The following YIPF2 variants were observed in gnomAD, a reference collection of about 807,000 sequenced individuals.
YIPF2 encodes the protein Yip1 domain family member 2, also known as protein YIPF2.
Under a neutral mutation model 38.8 loss-of-function variants are expected in YIPF2, and 30 were observed. The observed-to-expected ratio is 0.77, with a 90% CI of 0.58 to 1.05. The LOEUF (loss-of-function observed/expected upper bound fraction) is 1.05. Among genes scored for constraint, YIPF2 ranks in the 50% least tolerant of loss-of-function variants. YIPF2 has a pLI of 0.00. For missense variants in YIPF2, 401 were observed against 409.7 expected (o/e 0.98, Z 0.18); for synonymous variants, 194 against 183.8 (o/e 1.06, Z -0.45).
In YIPF2 at chr19:10,923,007, G is replaced by T. The variant is rs182980730; in HGVS notation, c.*187C>A. 6.6e-4 allele frequency: 198 copies of T among 299,738 alleles called. 1 individual carries two copies. The East Asian group carries it at 0.013, about 19-fold the overall frequency. 18.6% of individuals were successfully genotyped at this position (299,738 alleles called of 1,614,324 possible). A position where few individuals can be genotyped will look rare whatever the true frequency, so the allele number is the denominator to read the frequency against. On this transcript the variant is annotated 3_prime_UTR_variant, in exon 10 of 10. Transcript: ENST00000586748. ...AAAGCTCCCTGCTCGGCTGCCCCTC[G>T]CCCGCCTTTATATAAATTCTCTGAA...
chr19:10,923,506 T>C lies in YIPF2; in HGVS notation c.823A>G (p.Met275Val). 2 of 1,612,798 alleles carry C rather than the reference T, an allele frequency of 1.2e-6. No individual in the cohort carries two copies. The highest frequency in any genetic ancestry group is 1.7e-6 in the Non-Finnish European group (2 of 1,179,656). Residue 275 changes from methionine (M) to valine (V), a missense_variant, in exon 8 of 10, where the codon ATG becomes GTG. Met to Val is a conservative substitution (Grantham distance 21). Coordinates refer to ENST00000586748, the MANE Select transcript of YIPF2 (RefSeq NM_001321439.2). Reference sequence around the variant, plus strand: ...CCCCAGACCCGTACCTTACAGCCCATGGCCAGGAGGGCGTGGAGCAGCACG... The same window carrying C: ...CCCCAGACCCGTACCTTACAGCCCACGGCCAGGAGGGCGTGGAGCAGCACG... ...VVVLLHALLAMGCKLYFFQSL... is the reference protein window; with the variant it reads ...VVVLLHALLAVGCKLYFFQSL...
Position 10,923,320 on chromosome 19 carries a change from T to A in YIPF2, c.922A>T (p.Thr308Ser). The change falls in exon 9 of 10, where the codon ACC (threonine) becomes TCC (serine). Residue 308 changes from threonine to serine, a missense_variant. Thr to Ser is a moderately conservative substitution (Grantham distance 58, BLOSUM62 1). Coordinates refer to ENST00000586748, the MANE Select transcript of YIPF2 (RefSeq NM_001321439.2). The stretch of plus-strand genomic sequence containing the variant: ...GAGGGGGCCAGGGACTGCGGCAAGG[T>A]AGGGGACAGCGCGATGTTTGAGGGC... ...SLPSNIALSP[T>S]LPQSLAPS is the part of the protein sequence containing the mutation. 1 of 1,612,320 alleles carries A rather than the reference T, an allele frequency of 6.2e-7. No individual in the cohort carries two copies. Among genetic ancestry groups the A allele is most frequent in the South Asian group, 1.1e-5 (1 of 91,030 alleles).
intron 4 of YIPF2, among the ~76,000 whole-genome samples, chr19:10,927,081 CA>C (rs1452890780): frequency 6.6e-6 from 1 of 152,142 alleles, no homozygotes; most frequent in Non-Finnish European, 1.5e-5. Context: ...CATGTTTGGC[CA>C]GGCTGGTCTC....
chr19:10,925,690 C>T lies in YIPF2; in HGVS notation c.363G>A (p.Leu121=), dbSNP rs146628344. The change falls in exon 5 of 10, where the codon CTG becomes CTA. Residue 121 remains leucine, a synonymous_variant. Coordinates refer to ENST00000586748, the MANE Select transcript of YIPF2 (RefSeq NM_001321439.2). ...CAAATGCACAACCTCACTCACCATA[C>T]AGATCCGGCCGATTCCGCAGATGGT... ...VRHHLRNRPD[L]YGPFWICATL... 3.2e-5 allele frequency: 52 copies of T among 1,614,042 alleles called. No homozygotes were observed. In the African/African-American group the frequency reaches 4.5e-4, roughly 14 times the overall value.
At chr19:10,925,535 C>G (rs2083409595) in intron 5 of YIPF2, 151 bp downstream of exon 5, 1 of 929,310 alleles carries the variant, frequency 1.1e-6, no homozygotes. Context: ...CCGCCACCCT[C>G]TGCAGTCCTT....
At chr19:10,928,194 G>T (rs546014104) in intron 2 of YIPF2, among the ~76,000 whole-genome samples, 186 bp downstream of exon 2, 2 of 151,686 alleles carry the variant, frequency 1.3e-5, no homozygotes, top group South Asian at 4.2e-4. Flanking sequence ...GTCTGGGGAC[G>T]AGAGGCTCGG....
chr19:10,928,624 C>A lies in YIPF2; in HGVS notation c.-144G>T. On this transcript the variant is annotated 5_prime_UTR_variant, in exon 1 of 10. Transcript: ENST00000586748. Reference sequence around the variant, plus strand: ...GCCGGCGTGGCTGGGGCTCTCTGCGCCTGCGCGTCTCGCCTACCCGTCAGA... The same window carrying A: ...GCCGGCGTGGCTGGGGCTCTCTGCGACTGCGCGTCTCGCCTACCCGTCAGA... 1.2e-6 allele frequency: 1 copy of A among 851,042 alleles called. No individual in the cohort carries two copies. The highest frequency in any genetic ancestry group is 1.7e-6 in the Non-Finnish European group (1 of 593,132). The allele number at this position is 851,042 out of a possible 1,614,324, so 52.7% of individuals were successfully genotyped here.
intron 2 of YIPF2, 98 bp downstream of exon 2, chr19:10,928,282 G>A: frequency 1.4e-5 from 18 of 1,305,066 alleles, no homozygotes; most frequent in Non-Finnish European, 1.7e-5. Context: ...GTTCACAGCC[G>A]CCTAGGCTTC....
At position 10,923,494 on chromosome 19, in the gene YIPF2, C is replaced by G; in HGVS notation, c.834+1G>C. ...CACCTGTGGCCACCCCAGACCCGTA[C>G]CTTACAGCCCATGGCCAGGAGGGCG... On this transcript the variant is annotated splice_donor_variant, in intron 8 of 9. Coordinates refer to ENST00000586748, the MANE Select transcript of YIPF2 (RefSeq NM_001321439.2). LOFTEE classifies it high-confidence loss of function. 1 of 1,612,968 alleles carries G rather than the reference C, an allele frequency of 6.2e-7. No homozygotes were observed. Among genetic ancestry groups the G allele is most frequent in the East Asian group, 2.2e-5 (1 of 44,874 alleles).
rs151256467 is a variant in YIPF2, at chr19:10,923,333, G to T, written c.909C>A (p.Ile303=). 1.2e-6 allele frequency: 2 copies of T among 1,613,164 alleles called. No homozygotes were observed. Among genetic ancestry groups the T allele is most frequent in the Non-Finnish European group, 1.7e-6 (2 of 1,179,576 alleles). ...PPQITSLPSN[I]ALSPTLPQSL... is the part of the protein sequence containing the mutation. ...ACTGCGGCAAGGTAGGGGACAGCGC[G>T]ATGTTTGAGGGCAGAGATGTGATTT... The change falls in exon 9 of 10, where the codon ATC becomes ATA. Residue 303 remains isoleucine (I), a synonymous_variant. Coordinates refer to ENST00000586748, the MANE Select transcript of YIPF2 (RefSeq NM_001321439.2).
chr19:10,924,344 C>T, intron 5 of YIPF2, 152 bp from the exon 6 acceptor site: 1 of 663,722 alleles, frequency 1.5e-6, no homozygotes, highest in Admixed American at 2.8e-5. Flanking sequence ...TGGCTGAGCC[C>T]AGTGCTGGCT....
intron 4 of YIPF2, among the ~76,000 whole-genome samples, chr19:10,926,522 G>C (rs564477534): frequency 6.6e-6 from 1 of 151,488 alleles, no homozygotes; most frequent in Non-Finnish European, 1.5e-5. Flanking sequence ...CACCGCACCC[G>C]GCCTCAGCAC....
chr19:10,927,161 C>T (rs979731497), intron 4 of YIPF2, among the ~76,000 whole-genome samples: 4 of 152,152 alleles, frequency 2.6e-5, no homozygotes, highest in African/African-American at 7.2e-5. Flanking sequence ...GCATGAGCCA[C>T]CCCGCACCCG....
At position 10,927,799 on chromosome 19, in the gene YIPF2, C is replaced by T. The variant is rs751777054; in HGVS notation, c.192G>A (p.Ala64=). 2 of 1,606,910 alleles carry T rather than the reference C, an allele frequency of 1.2e-6. No individual in the cohort carries two copies. The highest frequency in any genetic ancestry group is 1.3e-5 in the African/African-American group (1 of 74,964). ...AAGGAGGCAGGACACAGGGACTCAC[C>T]GCGGCCTTGTCACTCTCCTCCTCCA... ...DEVEEESDKA[A]LLQEQQQQQQ... Residue 64 remains alanine, a splice_region_variant and synonymous_variant, in exon 3 of 10, where the codon GCG becomes GCA. Coordinates refer to ENST00000586748, the MANE Select transcript of YIPF2 (RefSeq NM_001321439.2).
chr19:10,924,569 T>C (rs1159925769), intron 5 of YIPF2, among the ~76,000 whole-genome samples: 1 of 152,100 alleles, frequency 6.6e-6, no homozygotes, highest in Non-Finnish European at 1.5e-5. Flanking sequence ...ATGCCTCCTC[T>C]AGAGCCCAGG....
At position 10,925,537 on chromosome 19, in the gene YIPF2, G is replaced by A; in HGVS notation, c.367+149C>T. On this transcript the variant is annotated intron_variant, in intron 5 of 9. Transcript: ENST00000586748. ...TGCTGCTCTCTACCCGCCACCCTCT[G>A]CAGTCCTTCATGTCTCTGTCTCCCT... is the stretch of plus-strand genomic sequence containing the variant. 3 of 932,668 alleles carry A rather than the reference G, an allele frequency of 3.2e-6. No homozygotes were observed. The South Asian group carries it at 4.8e-5, about 15-fold the overall frequency. 57.8% of individuals were successfully genotyped at this position (932,668 alleles called of 1,614,324 possible). A position where few individuals can be genotyped will look rare whatever the true frequency, so the allele number is the denominator to read the frequency against.
chr19:10,923,031 A>C lies in YIPF2; in HGVS notation c.*163T>G. On this transcript the variant is annotated 3_prime_UTR_variant, in exon 10 of 10. Coordinates refer to ENST00000586748, the MANE Select transcript of YIPF2 (RefSeq NM_001321439.2). ...CGCCCGCCTTTATATAAATTCTCTG[A>C]ATCACCTTTGCATAGAAAATAAAAG... is the stretch of plus-strand genomic sequence containing the variant. 1 of 392,296 alleles carries C rather than the reference A, an allele frequency of 2.5e-6. No homozygotes were observed. Among genetic ancestry groups the C allele is most frequent in the Non-Finnish European group, 4.5e-6 (1 of 221,424 alleles). The allele number at this position is 392,296 out of a possible 1,614,324, so 24.3% of individuals were successfully genotyped here. A position where few individuals can be genotyped will look rare whatever the true frequency, so the allele number is the denominator to read the frequency against.
rs368828354 is a variant in YIPF2, at chr19:10,924,070, G to C, written c.484+6C>G. ...TGCCAGGCATTGGGCCTGCCCGTCTGCTTACCCTTGTGGAACTGGGGGCTG... is the reference window on the plus strand; with the variant it reads ...TGCCAGGCATTGGGCCTGCCCGTCTCCTTACCCTTGTGGAACTGGGGGCTG... On this transcript the variant is annotated splice_donor_region_variant and intron_variant, in intron 6 of 9. Transcript: ENST00000586748. 30 of 1,613,626 alleles carry C rather than the reference G, an allele frequency of 1.9e-5. No individual in the cohort carries two copies. The highest frequency in any genetic ancestry group is 2.5e-5 in the Non-Finnish European group (30 of 1,179,868).
At position 10,927,723 on chromosome 19, in the gene YIPF2, A is replaced by G. The variant is rs759054672; in HGVS notation, c.193-7T>C. 1.2e-6 allele frequency: 2 copies of G among 1,613,114 alleles called. No homozygotes were observed. The highest frequency in any genetic ancestry group is 8.5e-7 in the Non-Finnish European group (1 of 1,179,896). ...GCTGCTGCTCCTGCAGGAGCTGCAC[A>G]TTGCGGGCATTCAGTGCCTGCCCGG... On this transcript the variant is annotated splice_region_variant and splice_polypyrimidine_tract_variant and intron_variant, in intron 3 of 9. Transcript: ENST00000586748.
Sources: allele counts gnomAD v4.1 joint callset (sites outside exome capture counted in the v4.1 genomes callset), GRCh38; gene constraint gnomAD v4.1.1; transcripts MANE v1.5; gene names NCBI Gene and HGNC (gene_info 2026-07-23, HGNC 2026-07-21).